THSD7B: variants seen among roughly 807,000 people sequenced by gnomAD.
THSD7B encodes thrombospondin type-1 domain-containing protein 7B.
THSD7B carries 138 observed loss-of-function variants against 213.6 expected under a neutral mutation model. That is an observed-to-expected ratio of 0.65 (90% confidence interval 0.56 to 0.74). The LOEUF (loss-of-function observed/expected upper bound fraction) is 0.74, where lower values mean the gene tolerates loss of function less well. THSD7B is among the 30% of genes least tolerant of loss of function. The pLI, the probability that THSD7B is intolerant of heterozygous loss-of-function variation, is 0.00. For synonymous variants in THSD7B, 742 were observed against 687.0 expected, an observed-to-expected ratio of 1.08 and a Z score of -1.25; for missense variants, 1,931 against 1,991.5, an observed-to-expected ratio of 0.97 and a Z score of 0.58.
At chr2:136,982,024 G>A (rs1186670506) in intron 2 of THSD7B, among the ~76,000 whole-genome samples, 1 of 152,150 alleles carries the variant, frequency 6.6e-6, no homozygotes, top group Non-Finnish European at 1.5e-5. Context: ...TACTCTCAAG[G>A]AACTTACAAC....
At chr2:136,887,300 T>TTTTGTG (rs1553455577) in intron 2 of THSD7B, among the ~76,000 whole-genome samples, 1 of 148,464 alleles carries the variant, frequency 6.7e-6, no homozygotes, top group Admixed American at 6.7e-5. Context: ...TCCATATTTG[T>TTTTGTG]TGTGTGTGTG....
chr2:137,465,632 G>T (rs536078731), intron 15 of THSD7B, among the ~76,000 whole-genome samples: 6 of 152,054 alleles, frequency 3.9e-5, no homozygotes, highest in African/African-American at 1.4e-4. Flanking sequence ...GTCCATCATT[G>T]TTCTTTCCTA....
chr2:136,767,530 AGG>A (rs1372473907), intron 1 of THSD7B, among the ~76,000 whole-genome samples: 2 of 150,862 alleles, frequency 1.3e-5, no homozygotes, highest in Non-Finnish European at 1.5e-5. Context: ...CTGAGAGTTG[AGG>A]GTTAGAAACT....
chr2:137,347,763 C>T (rs1376279024), intron 12 of THSD7B, among the ~76,000 whole-genome samples: 1 of 151,206 alleles, frequency 6.6e-6, no homozygotes, highest in Non-Finnish European at 1.5e-5. Flanking sequence ...ATTTTTTCAA[C>T]TTCTATGCTT....
intron 2 of THSD7B, among the ~76,000 whole-genome samples, chr2:137,009,456 T>C (rs1686182216): frequency 6.6e-6 from 1 of 152,138 alleles, no homozygotes; most frequent in Non-Finnish European, 1.5e-5. Flanking sequence ...TCCTCCCCCA[T>C]TCATGTCATA....
intron 14 of THSD7B, among the ~76,000 whole-genome samples, chr2:137,425,952 A>T (rs768795531): frequency 6.6e-6 from 1 of 152,190 alleles, no homozygotes; most frequent in Non-Finnish European, 1.5e-5. Context: ...CCACCAAAGA[A>T]CTGATAGAAC....
At chr2:137,199,398 T>C (rs1229691018) in intron 7 of THSD7B, among the ~76,000 whole-genome samples, 1 of 152,180 alleles carries the variant, frequency 6.6e-6, no homozygotes, top group Non-Finnish European at 1.5e-5. Flanking sequence ...CATTTACCTC[T>C]TCCCTCTAGT....
chr2:137,615,040 G>C (rs1479826780), intron 17 of THSD7B, among the ~76,000 whole-genome samples: 3 of 152,112 alleles, frequency 2.0e-5, no homozygotes, highest in Admixed American at 6.6e-5. Context: ...TAGATTGAGG[G>C]TCTGGGATTG....
chr2:137,502,867 C>A (rs552181530), intron 15 of THSD7B, among the ~76,000 whole-genome samples: 2 of 152,006 alleles, frequency 1.3e-5, no homozygotes, highest in South Asian at 2.1e-4. Flanking sequence ...TTCTTAGAGG[C>A]CTACAGAAAA....
chr2:137,321,982 CTTTTT>C (rs1684272659), intron 12 of THSD7B, among the ~76,000 whole-genome samples: 4 of 152,162 alleles, frequency 2.6e-5, no homozygotes, highest in Non-Finnish European at 5.9e-5. Context: ...GAAGCAGATG[CTTTTT>C]AGGCACTCCA....
rs753007382 is a variant in THSD7B, at chr2:137,059,207, T to A, written c.950+1977T>A. 4.5e-4 allele frequency among the ~76,000 whole-genome samples: 68 copies of A among 152,182 alleles called. No homozygotes were observed. In the Middle Eastern group the frequency reaches 0.01, roughly 23 times the overall value. ...AGAGAGCACTCTATGTCTCTTCTTA[T>A]AAGGTCACCAATCCTATCACAAGGG... On this transcript the variant is annotated intron_variant, in intron 3 of 27. Coordinates refer to ENST00000409968, the MANE Select transcript of THSD7B (RefSeq NM_001316349.2).
At chr2:137,667,203 T>C (rs1386014053) in intron 26 of THSD7B, among the ~76,000 whole-genome samples, 1 of 152,204 alleles carries the variant, frequency 6.6e-6, no homozygotes, top group Non-Finnish European at 1.5e-5. Flanking sequence ...GAACTAATGA[T>C]TACCAGTGTT....
chr2:137,518,942 G>T (rs1680126863), intron 15 of THSD7B, among the ~76,000 whole-genome samples: 1 of 152,180 alleles, frequency 6.6e-6, no homozygotes, highest in African/African-American at 2.4e-5. Flanking sequence ...GCAGAGGTTT[G>T]TCCTCACTGG....
intron 12 of THSD7B, among the ~76,000 whole-genome samples, chr2:137,347,030 C>A (rs1216611845): frequency 6.6e-6 from 1 of 151,682 alleles, no homozygotes. Flanking sequence ...TGCACCATTG[C>A]AACCCCACCA....
chr2:137,103,539 A>G (rs886283621), intron 4 of THSD7B, among the ~76,000 whole-genome samples: 2 of 152,196 alleles, frequency 1.3e-5, no homozygotes, highest in Non-Finnish European at 2.9e-5. Flanking sequence ...AACCGTATTA[A>G]CCTTAAATGT....
chr2:136,955,649 A>G (rs558439669), intron 2 of THSD7B, among the ~76,000 whole-genome samples: 1 of 152,282 alleles, frequency 6.6e-6, no homozygotes, highest in South Asian at 2.1e-4. Context: ...TGGTATAGCA[A>G]TTTCTTAGAA....
rs115886764 is a variant in THSD7B at position 137,193,173 on chromosome 2, A to C, written c.1723+22235A>C. Reference sequence around the variant, plus strand: ...CAGTAACCTGATGAGTCACCCTGCCACGCCAGGGGTTAAATATTTGGAATA... The same window carrying C: ...CAGTAACCTGATGAGTCACCCTGCCCCGCCAGGGGTTAAATATTTGGAATA... On this transcript the variant is annotated intron_variant, in intron 7 of 27. Transcript: ENST00000409968. 4.8e-3 allele frequency among the ~76,000 whole-genome samples: 734 copies of C among 152,182 alleles called. 10 individuals are homozygous for C. The highest frequency in any genetic ancestry group is 0.017 in the African/African-American group (688 of 41,520).
At chr2:136,974,540 A>G (rs928297549) in intron 2 of THSD7B, among the ~76,000 whole-genome samples, 12 of 152,114 alleles carry the variant, frequency 7.9e-5, no homozygotes, top group Non-Finnish European at 1.2e-4. Context: ...CATTCCTTTT[A>G]ATGGCTGCAT....
chr2:137,634,775 G>A (rs1164478479), intron 20 of THSD7B, among the ~76,000 whole-genome samples: 1 of 152,184 alleles, frequency 6.6e-6, no homozygotes, highest in Non-Finnish European at 1.5e-5. Flanking sequence ...CCAGTTTTGA[G>A]ATTTGTTTGA....
Sources: gnomAD v4.1 joint callset for allele counts (sites outside exome capture counted in the v4.1 genomes callset) on GRCh38, gnomAD v4.1.1 for gene constraint, MANE v1.5 for transcripts, NCBI Gene and HGNC (gene_info 2026-07-23, HGNC 2026-07-21) for gene names.